Variants in DENND4A observed in about 807,000 individuals in gnomAD.
The protein encoded by DENND4A is C-myc promoter-binding protein.
DENND4A carries 70 observed loss-of-function variants against 199.3 expected under a neutral mutation model. The observed-to-expected ratio is 0.35, with a 90% CI of 0.29 to 0.43. The LOEUF is 0.43. DENND4A is among the 20% of genes least tolerant of loss of function. DENND4A has a pLI of 1.00. For missense variants in DENND4A, 1,723 were observed against 2,255.8 expected, an observed-to-expected ratio of 0.76 and a Z score of 4.78; for synonymous variants, 686 against 766.9, an observed-to-expected ratio of 0.89 and a Z score of 1.74.
intron 4 of DENND4A, among the ~76,000 whole-genome samples, chr15:65,744,480 C>G (rs2076336199): frequency 6.6e-6 from 1 of 152,134 alleles, no homozygotes; most frequent in South Asian, 2.1e-4. Context: ...CATGGGGTAT[C>G]AACTCAAACA....
chr15:65,743,753 T>C (rs1455432723), intron 4 of DENND4A, among the ~76,000 whole-genome samples: 1 of 152,060 alleles, frequency 6.6e-6, no homozygotes, highest in Non-Finnish European at 1.5e-5. Flanking sequence ...GGTTTCTAGG[T>C]AGAAGGAATG....
Position 65,665,467 on chromosome 15 carries a change from GT to G in DENND4A, c.5242-6del, listed in dbSNP as rs11293131. 1,867 of 1,595,664 alleles carry G rather than the reference GT, an allele frequency of 1.2e-3. 16 individuals are homozygous for G. The African/African-American group carries it at 0.022, about 19-fold the overall frequency. On this transcript the variant is annotated splice_polypyrimidine_tract_variant and splice_region_variant and intron_variant, in intron 29 of 32. Coordinates refer to ENST00000443035, the MANE Select transcript of DENND4A (RefSeq NM_001320835.1). The stretch of plus-strand genomic sequence containing the variant: ...AGACATACAGTGGCGGGGAATCTGT[GT>G]TATACAATAAACATTCATTAATGAT...
chr15:65,690,317 G>T, intron 23 of DENND4A, 98 bp downstream of exon 23: 1 of 1,295,054 alleles, frequency 7.7e-7, no homozygotes, highest in Non-Finnish European at 1.0e-6. Flanking sequence ...TTTTTATAAA[G>T]CTATGTTTAG....
At chr15:65,783,534 C>A (rs2414884) in intron 1 of DENND4A, among the ~76,000 whole-genome samples, 2 of 152,086 alleles carry the variant, frequency 1.3e-5, no homozygotes, top group African/African-American at 2.4e-5. Context: ...AATGAGCACA[C>A]TGAGTAACCA....
chr15:65,705,008 A>G (rs1036890107), intron 15 of DENND4A, among the ~76,000 whole-genome samples: 8 of 152,228 alleles, frequency 5.3e-5, no homozygotes, highest in African/African-American at 1.9e-4. Flanking sequence ...AAATAAGCAT[A>G]AAGTACAAAA....
At chr15:65,713,918 C>G (rs1436193278) in intron 14 of DENND4A, among the ~76,000 whole-genome samples, 1 of 152,112 alleles carries the variant, frequency 6.6e-6, no homozygotes, top group Non-Finnish European at 1.5e-5. Flanking sequence ...TGGCTGCATC[C>G]AGGTCCTCTC....
chr15:65,710,957 A>G (rs2075232219), intron 14 of DENND4A, among the ~76,000 whole-genome samples: 1 of 152,188 alleles, frequency 6.6e-6, no homozygotes, highest in South Asian at 2.1e-4. Flanking sequence ...AGGTTTCTTG[A>G]GGTCTCACCA....
intron 12 of DENND4A, among the ~76,000 whole-genome samples, chr15:65,721,522 C>CAGTA (rs1230340240): frequency 7.0e-6 from 1 of 143,054 alleles, no homozygotes; most frequent in Non-Finnish European, 1.5e-5. Flanking sequence ...TTTTCCTTAA[C>CAGTA]AGTAGAAAAG....
chr15:65,680,802 C>CA (rs2076546807), intron 23 of DENND4A: 1 of 152,182 alleles, frequency 6.6e-6, no homozygotes, highest in Non-Finnish European at 1.5e-5. Context: ...GTTCACATTA[C>CA]ACTGAAGTCT....
chr15:65,677,407 G>A (rs967621109), intron 23 of DENND4A, among the ~76,000 whole-genome samples: 5 of 151,624 alleles, frequency 3.3e-5, no homozygotes, highest in Admixed American at 1.3e-4. Flanking sequence ...ACAGGGTTTC[G>A]CTATGCTGGC....
chr15:65,772,578 C>T (rs1287138581), intron 1 of DENND4A, among the ~76,000 whole-genome samples: 3 of 151,118 alleles, frequency 2.0e-5, no homozygotes, highest in East Asian at 3.9e-4. Flanking sequence ...ATGGTGGCAC[C>T]CGCCTGTAAT....
chr15:65,694,125 A>G (rs1393221909), intron 22 of DENND4A, among the ~76,000 whole-genome samples: 1 of 152,232 alleles, frequency 6.6e-6, no homozygotes, highest in Non-Finnish European at 1.5e-5. Context: ...CAGTAATTCA[A>G]TATGTATTTA....
intron 11 of DENND4A, among the ~76,000 whole-genome samples, chr15:65,723,602 AC>A (rs1450788737): frequency 6.6e-6 from 1 of 151,956 alleles, no homozygotes; most frequent in Non-Finnish European, 1.5e-5. Context: ...ACATTCCGAG[AC>A]CCCCAGTGGA....
At chr15:65,772,961 A>G (rs1467378129) in intron 1 of DENND4A, among the ~76,000 whole-genome samples, 1 of 132,728 alleles carries the variant, frequency 7.5e-6, no homozygotes, top group African/African-American at 2.8e-5. Flanking sequence ...CGGACCTCCA[A>G]CCTTGAGAAC....
intron 11 of DENND4A, among the ~76,000 whole-genome samples, chr15:65,726,617 T>A (rs184443559): frequency 3.3e-5 from 5 of 152,348 alleles, no homozygotes; most frequent in Admixed American, 3.3e-4. Flanking sequence ...ACTTTTCTAA[T>A]GGTTTAGGCA....
chr15:65,711,426 G>A lies in DENND4A; in HGVS notation c.1953+4052C>T, dbSNP rs982296145. Among the ~76,000 whole-genome samples, 7 of 152,170 alleles carry A rather than the reference G, an allele frequency of 4.6e-5. 1 individual carries two copies. The highest frequency in any genetic ancestry group is 2.0e-4 in the Admixed American group (3 of 15,274). On this transcript the variant is annotated intron_variant, in intron 14 of 32. Coordinates refer to ENST00000443035, the MANE Select transcript of DENND4A (RefSeq NM_001320835.1). Reference sequence around the variant, plus strand: ...AGAAATCACTTGGGCCCAGGAGGTCGAGTCTGCAGTAAGCTGAGATCGTGC... The same window carrying A: ...AGAAATCACTTGGGCCCAGGAGGTCAAGTCTGCAGTAAGCTGAGATCGTGC...
In DENND4A at chr15:65,665,420, T is replaced by C. The variant is rs753226756; in HGVS notation, c.5284A>G (p.Ile1762Val). ...TTCATATTGTCCCATAACATTTGTA[T>C]TAAAACATATTTGCTATCTTCAGAC... ...CMSEDSKYVL[I>V]QMLWDNMKLH... Residue 1762 changes from isoleucine to valine, a missense_variant, in exon 30 of 33, where the codon ATA (isoleucine) becomes GTA (valine). Physicochemically the swap from Ile to Val is conservative, Grantham distance 29 (BLOSUM62 3). Coordinates refer to ENST00000443035, the MANE Select transcript of DENND4A (RefSeq NM_001320835.1). 1 of 1,613,568 alleles carries C rather than the reference T, an allele frequency of 6.2e-7. No homozygotes were observed. Among genetic ancestry groups the C allele is most frequent in the South Asian group, 1.1e-5 (1 of 91,038 alleles).
intron 1 of DENND4A, among the ~76,000 whole-genome samples, chr15:65,762,641 G>A (rs966152717): frequency 1.3e-5 from 2 of 151,996 alleles, no homozygotes; most frequent in African/African-American, 4.8e-5. Flanking sequence ...ATGAATGAAT[G>A]AATGAATGAT....
In DENND4A at chr15:65,676,488, A is replaced by G. The variant is rs2076387933; in HGVS notation, c.4326T>C (p.Ile1442=). The G allele has an allele frequency of 8.1e-6, 13 of 1,612,340 alleles. No homozygotes were observed. Among genetic ancestry groups the G allele is most frequent in the Non-Finnish European group, 1.1e-5 (13 of 1,179,020 alleles). Reference sequence around the variant, plus strand: ...TTTCCAGGCTTATTCGGCTGAGATCAATTCTCTTAGTCCCTGAAGTAGCAC... The same window carrying G: ...TTTCCAGGCTTATTCGGCTGAGATCGATTCTCTTAGTCCCTGAAGTAGCAC... ...ETSATSGTKR[I]DLSRISLESS... The change falls in exon 24 of 33, where the codon ATT becomes ATC. Residue 1442 remains isoleucine (I), a synonymous_variant. Coordinates refer to ENST00000443035, the MANE Select transcript of DENND4A (RefSeq NM_001320835.1).
Sources: gnomAD v4.1 joint callset for allele counts (sites outside exome capture counted in the v4.1 genomes callset) on GRCh38, gnomAD v4.1.1 for gene constraint, MANE v1.5 for transcripts, NCBI Gene and HGNC (gene_info 2026-07-23, HGNC 2026-07-21) for gene names.